The following PCDHA10 variants were observed in gnomAD, a reference collection of about 807,000 sequenced individuals.
The protein encoded by PCDHA10 is protocadherin alpha-10.
In PCDHA10, 45 loss-of-function variants were observed where a neutral mutation model predicts 61.2. That is an observed-to-expected ratio of 0.74 (90% CI 0.58 to 0.94). PCDHA10 has a LOEUF of 0.94. Among genes scored for constraint, PCDHA10 ranks in the 40% least tolerant of loss-of-function variants. The pLI, the probability that PCDHA10 is intolerant of heterozygous loss-of-function variation, is 0.00. For missense variants in PCDHA10, 1,278 were observed against 1,236.2 expected, an observed-to-expected ratio of 1.03 and a Z score of -0.51; for synonymous variants, 602 against 548.8, an observed-to-expected ratio of 1.10 and a Z score of -1.35.
At chr5:140,864,304 A>G (rs2048411725) in intron 1 of PCDHA10, 1 of 152,230 alleles carries the variant, frequency 6.6e-6, no homozygotes, top group East Asian at 1.9e-4. Flanking sequence ...CAAAAATACC[A>G]TGACAATATT....
chr5:140,888,755 T>C (rs1290458155), intron 1 of PCDHA10, among the ~76,000 whole-genome samples: 1 of 146,364 alleles, frequency 6.8e-6, no homozygotes, highest in African/African-American at 2.5e-5. Flanking sequence ...TTCTACCCAC[T>C]TTTTTTTTTA....
chr5:140,858,256 G>T lies in PCDHA10; in HGVS notation c.2208G>T (p.Thr736=). ...GCGCATGTGGGCCGGTGAAGCCCAC[G>T]CTGGTGTGCTCTAGCGCGGTGGGGA... ...TEGACGPVKP[T]LVCSSAVGSW... is the part of the protein sequence containing the mutation. Residue 736 remains threonine (T), a synonymous_variant, in exon 1 of 4, where the codon ACG becomes ACT. Coordinates refer to ENST00000307360, the MANE Select transcript of PCDHA10 (RefSeq NM_018901.4). 6.3e-7 allele frequency: 1 copy of T among 1,596,658 alleles called. No homozygotes were observed.
intron 1 of PCDHA10, among the ~76,000 whole-genome samples, chr5:140,959,041 T>C (rs1291778863): frequency 2.6e-5 from 4 of 152,118 alleles, no homozygotes; most frequent in Non-Finnish European, 5.9e-5. Flanking sequence ...GGTATGTATG[T>C]ATAGGAAAAA....
In PCDHA10 at chr5:140,982,463, G is replaced by A. The variant is rs781833977; in HGVS notation, c.2448-12G>A. 1 of 1,614,060 alleles carries A rather than the reference G, an allele frequency of 6.2e-7. No individual in the cohort carries two copies. The highest frequency in any genetic ancestry group is 1.3e-5 in the African/African-American group (1 of 74,928). On this transcript the variant is annotated splice_polypyrimidine_tract_variant and intron_variant, in intron 2 of 3. Coordinates refer to ENST00000307360, the MANE Select transcript of PCDHA10 (RefSeq NM_018901.4). ...TGATCTAACCGTTATCTGGGTCTGT[G>A]TGTTTATTCAGCTCTGTGCACCTAG...
At chr5:140,883,688 A>G (rs782730096) in intron 1 of PCDHA10, 2 of 1,613,792 alleles carry the variant, frequency 1.2e-6, no homozygotes, top group Middle Eastern at 1.7e-4. Flanking sequence ...GGGCTGCCAC[A>G]TCTTCACGGT....
intron 1 of PCDHA10, chr5:140,882,688 A>G: frequency 1.2e-6 from 2 of 1,614,196 alleles, no homozygotes; most frequent in Non-Finnish European, 8.5e-7. Flanking sequence ...AGAAACGAAT[A>G]ATCATTGCAG....
rs782180931 is a variant in PCDHA10, at chr5:140,857,881, G to A, written c.1833G>A (p.Gln611=). 6 of 1,597,644 alleles carry A rather than the reference G, an allele frequency of 3.8e-6. 1 individual carries two copies. In the African/African-American group the frequency reaches 8.1e-5, roughly 22 times the overall value. Residue 611 remains glutamine, a synonymous_variant, in exon 1 of 4, where the codon CAG becomes CAA. Coordinates refer to ENST00000307360, the MANE Select transcript of PCDHA10 (RefSeq NM_018901.4). ...GYNAWLSYEL[Q]SAAVGARIPF... ...ACGCGTGGCTGTCGTATGAATTGCAGTCGGCGGCGGTTGGTGCACGCATCC... is the reference window on the plus strand; with the variant it reads ...ACGCGTGGCTGTCGTATGAATTGCAATCGGCGGCGGTTGGTGCACGCATCC...
Position 140,886,603 on chromosome 5 carries a change from G to GGATCAGGA in PCDHA10, c.2388+28177_2388+28184dup, listed in dbSNP as rs567691866. On this transcript the variant is annotated intron_variant, in intron 1 of 3. Coordinates refer to ENST00000307360, the MANE Select transcript of PCDHA10 (RefSeq NM_018901.4). ...AGCACTTTGGGAGGCCAAGGTGGGC[G>GGATCAGGA]GATCAGGAGATCAGGAGTCCGAGAC... 2.7e-3 allele frequency among the ~76,000 whole-genome samples: 409 copies of GGATCAGGA among 152,092 alleles called. 3 individuals carry two copies. The highest frequency in any genetic ancestry group is 0.014 in the Middle Eastern group (4 of 294).
intron 3 of PCDHA10, among the ~76,000 whole-genome samples, chr5:140,986,982 G>A (rs782173410): frequency 3.9e-5 from 6 of 152,164 alleles, no homozygotes; most frequent in Non-Finnish European, 8.8e-5. Context: ...GGGAGGCCAA[G>A]GCAGGCAGAT....
At chr5:140,914,782 G>T (rs563426406) in intron 1 of PCDHA10, among the ~76,000 whole-genome samples, 3 of 151,862 alleles carry the variant, frequency 2.0e-5, no homozygotes, top group Non-Finnish European at 4.4e-5. Context: ...CTTATCTTAT[G>T]ACCCATTATT....
At chr5:140,888,321 A>G (rs2061786627) in intron 1 of PCDHA10, among the ~76,000 whole-genome samples, 1 of 152,176 alleles carries the variant, frequency 6.6e-6, no homozygotes, top group Non-Finnish European at 1.5e-5. Flanking sequence ...ATGCCTGGAT[A>G]CATTTTTGGT....
In PCDHA10 at chr5:141,012,060, A is replaced by T. The variant is rs919882671; in HGVS notation, c.*2123A>T. 3.9e-5 allele frequency: 6 copies of T among 153,766 alleles called. No individual in the cohort carries two copies. The highest frequency in any genetic ancestry group is 8.8e-5 in the Non-Finnish European group (6 of 68,040). 9.5% of individuals were successfully genotyped at this position (153,766 alleles called of 1,614,324 possible). ...GCATGGGGTAAAACTTGTTACCAAC[A>T]CATGTGAACCATTGCTACATTGTAG... On this transcript the variant is annotated 3_prime_UTR_variant, in exon 4 of 4. Transcript: ENST00000307360.
At chr5:140,929,241 T>TG (rs2085975080) in intron 1 of PCDHA10, 1 of 1,613,878 alleles carries the variant, frequency 6.2e-7, no homozygotes. Context: ...TGCGAAATCT[T>TG]GCCACTGGGG....
chr5:140,870,898 G>A (rs781950776), intron 1 of PCDHA10: 124 of 1,613,858 alleles, frequency 7.7e-5, no homozygotes, highest in Non-Finnish European at 1.0e-4. Flanking sequence ...AGTGGATGCG[G>A]ACTCAGGCTA....
chr5:140,936,846 T>C (rs1385625641), intron 1 of PCDHA10, among the ~76,000 whole-genome samples: 1 of 152,206 alleles, frequency 6.6e-6, no homozygotes, highest in Non-Finnish European at 1.5e-5. Context: ...AATTGTAGAT[T>C]CAGCTTCTCA....
chr5:140,951,144 T>C (rs1052192456), intron 1 of PCDHA10, among the ~76,000 whole-genome samples: 3 of 100,560 alleles, frequency 3.0e-5, no homozygotes, highest in Non-Finnish European at 6.0e-5. Context: ...CTTTATCTTA[T>C]TGAATATAGT....
intron 1 of PCDHA10, among the ~76,000 whole-genome samples, chr5:140,907,434 A>G (rs782559641): frequency 2.5e-4 from 38 of 152,256 alleles, no homozygotes; most frequent in Non-Finnish European, 4.4e-4. Context: ...GCATTCTGTG[A>G]GTCCACAGAT....
At chr5:140,916,550 A>G (rs1355799677) in intron 1 of PCDHA10, among the ~76,000 whole-genome samples, 5 of 152,052 alleles carry the variant, frequency 3.3e-5, no homozygotes, top group Admixed American at 1.3e-4. Flanking sequence ...TGGGTTTTCT[A>G]TTTGTCCAGG....
chr5:140,984,386 A>G (rs2097099955), intron 3 of PCDHA10, among the ~76,000 whole-genome samples: 1 of 152,202 alleles, frequency 6.6e-6, no homozygotes, highest in South Asian at 2.1e-4. Flanking sequence ...TTCAGATTCA[A>G]AAAATGTTGA....
Sources: gnomAD v4.1 joint callset for allele counts (sites outside exome capture counted in the v4.1 genomes callset) on GRCh38, gnomAD v4.1.1 for gene constraint, MANE v1.5 for transcripts, NCBI Gene and HGNC (gene_info 2026-07-23, HGNC 2026-07-21) for gene names.